PAPPA2: variants seen among roughly 807,000 people sequenced by gnomAD.
The protein encoded by PAPPA2 is pappalysin 2.
Under a neutral mutation model 176.4 loss-of-function variants are expected in PAPPA2, and 86 were observed. The observed-to-expected ratio is 0.49, with a 90% CI of 0.41 to 0.58. PAPPA2 has a LOEUF of 0.58. Among genes scored for constraint, PAPPA2 ranks in the 20% least tolerant of loss-of-function variants. The pLI is 0.00. For synonymous variants in PAPPA2, 809 were observed against 852.2 expected (o/e 0.95, Z 0.88); for missense variants, 2,073 against 2,256.9 (o/e 0.92, Z 1.65).
chr1:176,468,755 T>C (rs1026290406), intron 1 of PAPPA2, among the ~76,000 whole-genome samples: 4 of 152,230 alleles, frequency 2.6e-5, no homozygotes, highest in African/African-American at 9.6e-5. Flanking sequence ...CCCCTCTTGC[T>C]TCCTGGTGTG....
chr1:176,516,264 G>C (rs549517164), intron 1 of PAPPA2, among the ~76,000 whole-genome samples: 2 of 147,296 alleles, frequency 1.4e-5, no homozygotes, highest in East Asian at 3.9e-4. Context: ...CAAATGAAGA[G>C]AGTTTAATTC....
At chr1:176,789,296 G>C (rs1029073038) in intron 17 of PAPPA2, among the ~76,000 whole-genome samples, 3 of 151,870 alleles carry the variant, frequency 2.0e-5, no homozygotes, top group Admixed American at 1.3e-4. Context: ...GCAAACTATC[G>C]CAAGGACAAA....
At chr1:176,817,605 T>C (rs892399607) in intron 21 of PAPPA2, among the ~76,000 whole-genome samples, 3 of 151,902 alleles carry the variant, frequency 2.0e-5, no homozygotes, top group Non-Finnish European at 1.5e-5. Flanking sequence ...GAAGAAGTAA[T>C]CATTGAAAGC....
chr1:176,571,018 T>TG (rs1337703058), intron 2 of PAPPA2, among the ~76,000 whole-genome samples: 1 of 152,136 alleles, frequency 6.6e-6, no homozygotes, highest in Non-Finnish European at 1.5e-5. Flanking sequence ...TGTAGGCTTC[T>TG]GGGGGCTTCT....
chr1:176,602,721 A>T (rs1357252542), intron 3 of PAPPA2, among the ~76,000 whole-genome samples: 1 of 152,186 alleles, frequency 6.6e-6, no homozygotes, highest in East Asian at 1.9e-4. Context: ...AGCAAAAAAA[A>T]AACTGCCAGT....
intron 14 of PAPPA2, among the ~76,000 whole-genome samples, chr1:176,763,767 A>G (rs1377410551): frequency 2.0e-5 from 3 of 152,252 alleles, no homozygotes; most frequent in Non-Finnish European, 4.4e-5. Flanking sequence ...ATAAAGCAAA[A>G]GAAATTTAGA....
At chr1:176,816,477 G>A (rs1044044978) in intron 21 of PAPPA2, among the ~76,000 whole-genome samples, 1 of 150,960 alleles carries the variant, frequency 6.6e-6, no homozygotes, top group Non-Finnish European at 1.5e-5. Context: ...TTGGTTCTAG[G>A]TATTCTAGGC....
intron 2 of PAPPA2, among the ~76,000 whole-genome samples, chr1:176,564,706 T>C (rs1291633207): frequency 1.3e-5 from 2 of 150,610 alleles, no homozygotes; most frequent in African/African-American, 4.9e-5. Context: ...GAGTTTATAT[T>C]TATTTCTTTC....
intron 6 of PAPPA2, among the ~76,000 whole-genome samples, chr1:176,693,630 C>T (rs1433891821): frequency 6.6e-6 from 1 of 152,156 alleles, no homozygotes; most frequent in African/African-American, 2.4e-5. Flanking sequence ...GGTATTTCAG[C>T]CTCTTGGGAT....
chr1:176,578,217 G>A (rs1652763709), intron 2 of PAPPA2, among the ~76,000 whole-genome samples: 1 of 152,224 alleles, frequency 6.6e-6, no homozygotes, highest in South Asian at 2.1e-4. Context: ...TCCAAGAAAA[G>A]CTGTCAATAA....
intron 17 of PAPPA2, among the ~76,000 whole-genome samples, chr1:176,788,806 A>G (rs932530646): frequency 1.3e-5 from 2 of 152,198 alleles, no homozygotes; most frequent in Admixed American, 1.3e-4. Flanking sequence ...AGGAAAAATA[A>G]ACTTGTAAAC....
At chr1:176,586,071 CT>C (rs1653285639) in intron 2 of PAPPA2, among the ~76,000 whole-genome samples, 1 of 151,680 alleles carries the variant, frequency 6.6e-6, no homozygotes, top group Non-Finnish European at 1.5e-5. Context: ...GTAATGTTTC[CT>C]TGATTTTCTA....
intron 3 of PAPPA2, among the ~76,000 whole-genome samples, chr1:176,666,426 A>C (rs1658644531): frequency 6.6e-6 from 1 of 152,134 alleles, no homozygotes; most frequent in African/African-American, 2.4e-5. Context: ...GGGAGATGAA[A>C]AAATTATTCC....
intron 3 of PAPPA2, among the ~76,000 whole-genome samples, chr1:176,600,770 G>C (rs1654274946): frequency 6.6e-6 from 1 of 151,904 alleles, no homozygotes; most frequent in Admixed American, 6.6e-5. Context: ...AATGCTTTGC[G>C]AGTCATCTAT....
At chr1:176,504,727 G>C (rs1017327371) in intron 1 of PAPPA2, among the ~76,000 whole-genome samples, 1 of 152,112 alleles carries the variant, frequency 6.6e-6, no homozygotes, top group African/African-American at 2.4e-5. Flanking sequence ...TAAAGCAATG[G>C]ATAGCCATGT....
intron 14 of PAPPA2, among the ~76,000 whole-genome samples, chr1:176,750,385 G>A (rs763661548): frequency 2.4e-4 from 36 of 152,160 alleles, no homozygotes; most frequent in Middle Eastern, 3.4e-3. Flanking sequence ...CAGGAGAATC[G>A]CCTGAGTTCA....
intron 3 of PAPPA2, among the ~76,000 whole-genome samples, chr1:176,600,454 A>T (rs1178621380): frequency 1.3e-5 from 2 of 151,910 alleles, no homozygotes; most frequent in Non-Finnish European, 2.9e-5. Context: ...AGGCGGGCGG[A>T]TCACGAGGTC....
intron 3 of PAPPA2, among the ~76,000 whole-genome samples, chr1:176,630,312 G>A (rs1042778971): frequency 1.3e-5 from 2 of 152,290 alleles, no homozygotes; most frequent in Non-Finnish European, 2.9e-5. Flanking sequence ...CATATATTAT[G>A]TACAACATAT....
intron 14 of PAPPA2, among the ~76,000 whole-genome samples, chr1:176,764,419 G>A (rs1472191673): frequency 2.0e-5 from 3 of 152,100 alleles, no homozygotes; most frequent in Non-Finnish European, 4.4e-5. Context: ...AATTATCCCC[G>A]TCTTATAGGG....
Sources: gnomAD v4.1 joint callset for allele counts (sites outside exome capture counted in the v4.1 genomes callset) on GRCh38, gnomAD v4.1.1 for gene constraint, MANE v1.5 for transcripts, NCBI Gene and HGNC (gene_info 2026-07-23, HGNC 2026-07-21) for gene names.